The following SSR1 variants were observed in gnomAD, a reference collection of about 807,000 sequenced individuals.
The protein encoded by SSR1 is translocon-associated protein subunit alpha.
A neutral mutation model predicts 36.1 loss-of-function variants in SSR1; 13 were observed. The observed-to-expected ratio is 0.36, with a 90% CI of 0.23 to 0.57. The LOEUF (loss-of-function observed/expected upper bound fraction) is 0.57, where lower values mean the gene tolerates loss of function less well. Among genes scored for constraint, SSR1 ranks in the 20% least tolerant of loss-of-function variants. SSR1 has a pLI of 0.81. For synonymous variants in SSR1, 113 were observed against 118.9 expected, an observed-to-expected ratio of 0.95 and a Z score of 0.32; for missense variants, 291 against 338.5, an observed-to-expected ratio of 0.86 and a Z score of 1.10.
intron 2 of SSR1, among the ~76,000 whole-genome samples, chr6:7,306,896 G>A (rs140526508): frequency 2.8e-4 from 36 of 129,364 alleles, no homozygotes; most frequent in Admixed American, 8.6e-4. Context: ...CAGCCTGGGC[G>A]ACAGAGCGAG....
chr6:7,304,279 T>C lies in SSR1; in HGVS notation c.193-642A>G, dbSNP rs183885570. 1.1e-3 allele frequency among the ~76,000 whole-genome samples: 171 copies of C among 152,296 alleles called. 2 individuals carry two copies. The highest frequency in any genetic ancestry group is 1.5e-4 in the Non-Finnish European group (10 of 68,036). On this transcript the variant is annotated intron_variant, in intron 2 of 7. Transcript: ENST00000244763. ...TAAACTTTTTCTGTAAATGGCCAAA[T>C]AGCAGATATGGCCTTGCAGACCATA...
rs1242965585 is a variant in SSR1 at position 7,289,035 on chromosome 6, T to C, written c.*829A>G. 2.0e-5 allele frequency: 3 copies of C among 151,288 alleles called. No homozygotes were observed. The highest frequency in any genetic ancestry group is 3.0e-5 in the Non-Finnish European group (2 of 67,434). The allele number at this position is 151,288 out of a possible 1,614,324, so 9.4% of individuals were successfully genotyped here. A position where few individuals can be genotyped will look rare whatever the true frequency, so the allele number is the denominator to read the frequency against. On this transcript the variant is annotated 3_prime_UTR_variant, in exon 8 of 8. Transcript: ENST00000244763. The stretch of plus-strand genomic sequence containing the variant: ...GCTTCTATTAAGGAGAGAAAAATTC[T>C]CTCTCAAAACAAAACAAAAAAACCT...
In SSR1 at chr6:7,310,025, C is replaced by G. The variant is rs187392294; in HGVS notation, c.84G>C (p.Leu28Phe). 3 of 1,609,774 alleles carry G rather than the reference C, an allele frequency of 1.9e-6. No homozygotes were observed. The East Asian group carries it at 6.7e-5, about 36-fold the overall frequency. ...CTGTAAGATCTTGTGCCACTGCTAA[C>G]AAGCCTAATGATAAAATACAGAAAA... Reference protein sequence around the residue: ...TVLFRGGPRGLLAVAQDLTED... With the variant: ...TVLFRGGPRGFLAVAQDLTED... The change falls in exon 2 of 8, where the codon TTG (leucine) becomes TTC (phenylalanine). Residue 28 changes from leucine to phenylalanine, a missense_variant. Coordinates refer to ENST00000244763, the MANE Select transcript of SSR1 (RefSeq NM_003144.5).
intron 3 of SSR1, among the ~76,000 whole-genome samples, chr6:7,302,390 T>C (rs1209894675): frequency 6.6e-6 from 1 of 152,210 alleles, no homozygotes; most frequent in Non-Finnish European, 1.5e-5. Flanking sequence ...TCAGTGGGTT[T>C]GTCAGAACTA....
intron 1 of SSR1, among the ~76,000 whole-genome samples, chr6:7,312,795 G>A (rs1758236252): frequency 6.6e-6 from 1 of 152,202 alleles, no homozygotes; most frequent in Non-Finnish European, 1.5e-5. Flanking sequence ...GCCCTCGGCC[G>A]GCCACGAAGC....
rs1758151090 is a variant in SSR1 at position 7,309,906 on chromosome 6, G to T, written c.192+11C>A. ...ACATTTTACATATATTAAATAGTATGTAACACTAACCAAATCTGTGGGTTC... is the reference window on the plus strand; with the variant it reads ...ACATTTTACATATATTAAATAGTATTTAACACTAACCAAATCTGTGGGTTC... On this transcript the variant is annotated intron_variant, in intron 2 of 7. Transcript: ENST00000244763. 1.3e-6 allele frequency: 2 copies of T among 1,581,486 alleles called. No individual in the cohort carries two copies. The highest frequency in any genetic ancestry group is 1.7e-6 in the Non-Finnish European group (2 of 1,150,852).
intron 4 of SSR1, among the ~76,000 whole-genome samples, chr6:7,299,398 T>C (rs1211969241): frequency 3.3e-5 from 5 of 152,170 alleles, no homozygotes; most frequent in Non-Finnish European, 5.9e-5. Context: ...GTTAAATTCA[T>C]GTTCTAAAAT....
intron 7 of SSR1, among the ~76,000 whole-genome samples, chr6:7,294,414 G>A (rs1281119087): frequency 2.0e-5 from 3 of 152,180 alleles, no homozygotes; most frequent in East Asian, 1.9e-4. Flanking sequence ...AGGGCCGGGC[G>A]TGGTGGCTCA....
In SSR1 at chr6:7,301,458, A is replaced by C; in HGVS notation, c.395T>G (p.Phe132Cys). Residue 132 changes from phenylalanine (F) to cysteine (C), a missense_variant, in exon 4 of 8, where the codon TTT becomes TGT. Physicochemically the swap from Phe to Cys is radical, Grantham distance 205 (BLOSUM62 -2). Coordinates refer to ENST00000244763, the MANE Select transcript of SSR1 (RefSeq NM_003144.5). ...ASFRYPQDYQ[F>C]YIQNFTALPL... ...AAGAGCTGTGAAATTCTGGATATAA[A>C]ACTGGTAGTCCTGAGGATAACGGAA... The C allele has an allele frequency of 6.2e-7, 1 of 1,614,128 alleles. No individual in the cohort carries two copies. Among genetic ancestry groups the C allele is most frequent in the Non-Finnish European group, 8.5e-7 (1 of 1,180,016 alleles).
At chr6:7,302,104 G>C (rs1340674245) in intron 3 of SSR1, among the ~76,000 whole-genome samples, 1 of 151,978 alleles carries the variant, frequency 6.6e-6, no homozygotes, top group Non-Finnish European at 1.5e-5. Flanking sequence ...AAAAATGGAA[G>C]AAAAAAAGCA....
At chr6:7,296,672 G>C (rs906140701) in intron 6 of SSR1, among the ~76,000 whole-genome samples, 2 of 141,446 alleles carry the variant, frequency 1.4e-5, no homozygotes, top group Non-Finnish European at 3.0e-5. Context: ...GAGGGTGAGT[G>C]AGGGAAGGAA....
At chr6:7,290,291 C>T (rs953355095) in intron 7 of SSR1, among the ~76,000 whole-genome samples, 2 of 152,224 alleles carry the variant, frequency 1.3e-5, no homozygotes, top group Non-Finnish European at 2.9e-5. Context: ...TTTACAAATG[C>T]AGTCATGCAG....
chr6:7,294,357 T>C (rs915400338), intron 7 of SSR1, among the ~76,000 whole-genome samples: 6 of 152,176 alleles, frequency 3.9e-5, no homozygotes, highest in Admixed American at 6.5e-5. Context: ...CTTATAGATA[T>C]ATAGAAATTA....
chr6:7,312,127 C>T (rs1297827314), intron 1 of SSR1, among the ~76,000 whole-genome samples: 1 of 152,192 alleles, frequency 6.6e-6, no homozygotes, highest in Non-Finnish European at 1.5e-5. Context: ...GATGCTTAGT[C>T]AGACTAATTA....
chr6:7,309,701 C>G (rs1421394691), intron 2 of SSR1, among the ~76,000 whole-genome samples: 1 of 152,176 alleles, frequency 6.6e-6, no homozygotes, highest in Non-Finnish European at 1.5e-5. Flanking sequence ...CTGCACTTCT[C>G]CTTGCTGTCA....
rs1757642084 is a variant in SSR1, at chr6:7,289,804, T to C, written c.*60A>G. On this transcript the variant is annotated 3_prime_UTR_variant, in exon 8 of 8. Coordinates refer to ENST00000244763, the MANE Select transcript of SSR1 (RefSeq NM_003144.5). ...CATGGCTTCTCTGCACTAATTCCCA[T>C]CAGGCCGAAAAATATTAGGGCAGGT... is the stretch of plus-strand genomic sequence containing the variant. 2 of 1,499,742 alleles carry C rather than the reference T, an allele frequency of 1.3e-6. No individual in the cohort carries two copies. Among genetic ancestry groups the C allele is most frequent in the Non-Finnish European group, 9.0e-7 (1 of 1,113,790 alleles). 92.9% of individuals were successfully genotyped at this position (1,499,742 alleles called of 1,614,324 possible).
At chr6:7,305,378 G>A (rs552426044) in intron 2 of SSR1, among the ~76,000 whole-genome samples, 74 of 152,318 alleles carry the variant, frequency 4.9e-4, no homozygotes, top group African/African-American at 1.7e-3. Context: ...AGGCAATTAG[G>A]TTGCTGGTGA....
In SSR1 at chr6:7,301,419, A is replaced by G. The variant is rs1757929641; in HGVS notation, c.434T>C (p.Val145Ala). ...AGTTGCCTGTCTCTGGGGTGGCACT[A>G]CAGTGTTCAGAGGAAGAGCTGTGAA... ...QNFTALPLNT[V>A]VPPQRQATFE... The change falls in exon 4 of 8, where the codon GTA becomes GCA. Residue 145 changes from valine to alanine, a missense_variant. Coordinates refer to ENST00000244763, the MANE Select transcript of SSR1 (RefSeq NM_003144.5). The G allele has an allele frequency of 3.7e-6, 6 of 1,614,188 alleles. No homozygotes were observed. In the South Asian group the frequency reaches 6.6e-5, roughly 18 times the overall value.
At chr6:7,311,510 G>C (rs1758194575) in intron 1 of SSR1, among the ~76,000 whole-genome samples, 1 of 152,156 alleles carries the variant, frequency 6.6e-6, no homozygotes, top group African/African-American at 2.4e-5. Context: ...CATGCATTAT[G>C]AACTAAAGAG....
Sources: gnomAD v4.1 joint callset for allele counts (sites outside exome capture counted in the v4.1 genomes callset) on GRCh38, gnomAD v4.1.1 for gene constraint, MANE v1.5 for transcripts, NCBI Gene and HGNC (gene_info 2026-07-23, HGNC 2026-07-21) for gene names.